ERGIC3: variants seen among roughly 807,000 people sequenced by gnomAD.
The protein encoded by ERGIC3 is endoplasmic reticulum-Golgi intermediate compartment protein 3.
In ERGIC3, 33 loss-of-function variants were observed where a neutral mutation model predicts 54.7. The ratio of observed to expected loss-of-function variants is 0.60; its 90% CI spans 0.46 to 0.81. The LOEUF (loss-of-function observed/expected upper bound fraction) is 0.81. Among genes scored for constraint, ERGIC3 ranks in the 30% least tolerant of loss-of-function variants. The pLI, the probability that ERGIC3 is intolerant of heterozygous loss-of-function variation, is 0.00. For synonymous variants in ERGIC3, 186 were observed against 189.8 expected, an observed-to-expected ratio of 0.98 and a Z score of 0.16; for missense variants, 399 against 488.4, an observed-to-expected ratio of 0.82 and a Z score of 1.73.
At chr20:35,553,249 G>A (rs1057193959) in intron 7 of ERGIC3, among the ~76,000 whole-genome samples, 1 of 148,304 alleles carries the variant, frequency 6.7e-6, no homozygotes, top group African/African-American at 2.5e-5. Flanking sequence ...CTCCCGCTTG[G>A]CCCCCCAAAA....
chr20:35,554,355 C>T (rs763521628), intron 7 of ERGIC3: 20 of 1,614,016 alleles, frequency 1.2e-5, no homozygotes, highest in Admixed American at 3.3e-5. Context: ...CTCTCTCCTC[C>T]CTCCCCCATG....
Position 35,557,622 on chromosome 20 carries a change from G to C in ERGIC3, c.*118G>C. On this transcript the variant is annotated 3_prime_UTR_variant, in exon 13 of 13. Coordinates refer to ENST00000348547, the MANE Select transcript of ERGIC3 (RefSeq NM_015966.3). ...CCCCAGGTTGATAAATCTATTGATTGATTGTGATAGTACTCACTGGTCTCC... is the reference window on the plus strand; with the variant it reads ...CCCCAGGTTGATAAATCTATTGATTCATTGTGATAGTACTCACTGGTCTCC... 8.5e-6 allele frequency: 7 copies of C among 824,286 alleles called. No individual in the cohort carries two copies. Among genetic ancestry groups the C allele is most frequent in the Non-Finnish European group, 8.0e-6 (4 of 500,522 alleles). 51.1% of individuals were successfully genotyped at this position (824,286 alleles called of 1,614,324 possible).
At position 35,554,470 on chromosome 20, in the gene ERGIC3, G is replaced by T. The variant is rs73903081; in HGVS notation, c.686-574G>T. 8.0e-4 allele frequency: 1,204 copies of T among 1,508,610 alleles called. 10 individuals are homozygous for T. The African/African-American group carries it at 0.013, about 16-fold the overall frequency. 93.5% of individuals were successfully genotyped at this position (1,508,610 alleles called of 1,614,324 possible). On this transcript the variant is annotated intron_variant, in intron 7 of 12. Coordinates refer to ENST00000348547, the MANE Select transcript of ERGIC3 (RefSeq NM_015966.3). ...TAGAATGGCGGGGAGGTTGGATGGG[G>T]CTGTGATTGGGTCTCCTCTGACCTG...
At chr20:35,544,833 C>T (rs1457867914) in intron 4 of ERGIC3, 3 of 9,374 alleles carry the variant, frequency 3.2e-4, no homozygotes, top group East Asian at 5.1e-3. Flanking sequence ...TTTTGAGTCA[C>T]GCTCTGTCAC....
chr20:35,545,023 A>G (rs898875592), intron 4 of ERGIC3: 4 of 151,888 alleles, frequency 2.6e-5, no homozygotes, highest in African/African-American at 7.3e-5. Flanking sequence ...GGCTGGTCTC[A>G]AACTCCTGAC....
intron 3 of ERGIC3, 22 bp from the exon 4 acceptor site, chr20:35,542,800 A>C: frequency 6.2e-7 from 1 of 1,613,968 alleles, no homozygotes. Flanking sequence ...CCAGTACCTT[A>C]GCCTGATTTT....
At chr20:35,547,779 G>T (rs773785867) in intron 5 of ERGIC3, among the ~76,000 whole-genome samples, 2 of 64 alleles carry the variant, frequency 0.031, no homozygotes, top group Non-Finnish European at 0.077. Context: ...AGTTACCTGG[G>T]TTCTACCCGT....
At chr20:35,548,446 C>A in intron 5 of ERGIC3, 63 bp from the exon 6 acceptor site, 1 of 1,565,784 alleles carries the variant, frequency 6.4e-7, no homozygotes. Flanking sequence ...GCTCTATTTC[C>A]CCAGATGCCA....
chr20:35,553,375 T>C (rs1410436469), intron 7 of ERGIC3, among the ~76,000 whole-genome samples: 1 of 151,662 alleles, frequency 6.6e-6, no homozygotes, highest in Non-Finnish European at 1.5e-5. Context: ...GAAGAGGTTG[T>C]GTATGGAGAG....
At chr20:35,550,851 G>A (rs2147307513) in intron 7 of ERGIC3, among the ~76,000 whole-genome samples, 1 of 152,286 alleles carries the variant, frequency 6.6e-6, no homozygotes, top group South Asian at 2.1e-4. Context: ...GATCAATCCA[G>A]GCAAAAGATG....
At chr20:35,543,037 T>TGGG (rs745796772) in intron 4 of ERGIC3, 96 bp downstream of exon 4, 5 of 1,572,574 alleles carry the variant, frequency 3.2e-6, no homozygotes. Flanking sequence ...AGTGATACAT[T>TGGG]AAACAACTAA....
intron 7 of ERGIC3, among the ~76,000 whole-genome samples, chr20:35,552,403 A>G (rs1376150641): frequency 1.3e-5 from 2 of 152,218 alleles, no homozygotes; most frequent in Admixed American, 1.3e-4. Flanking sequence ...CTGTGAATGC[A>G]AAGAGAGCGG....
At chr20:35,551,414 C>A (rs192962859) in intron 7 of ERGIC3, among the ~76,000 whole-genome samples, 8 of 152,120 alleles carry the variant, frequency 5.3e-5, no homozygotes, top group Admixed American at 2.0e-4. Context: ...GTGTTCAGAC[C>A]AATAGCATCT....
chr20:35,544,423 AG>A, intron 4 of ERGIC3: 5 of 301,358 alleles, frequency 1.7e-5, no homozygotes, highest in South Asian at 6.3e-5. Context: ...AGGGCAGGAC[AG>A]GGGGCTCAGT....
intron 7 of ERGIC3, among the ~76,000 whole-genome samples, chr20:35,550,651 C>T (rs1196390672): frequency 6.6e-6 from 1 of 151,942 alleles, no homozygotes; most frequent in Admixed American, 6.6e-5. Context: ...GTCACAGGGC[C>T]ATATCATGCA....
At position 35,557,475 on chromosome 20, in the gene ERGIC3, A is replaced by G. The variant is rs756289386; in HGVS notation, c.1123A>G (p.Lys375Glu). 1 of 1,614,100 alleles carries G rather than the reference A, an allele frequency of 6.2e-7. No individual in the cohort carries two copies. The highest frequency in any genetic ancestry group is 8.5e-7 in the Non-Finnish European group (1 of 1,180,014). The change falls in exon 13 of 13, where the codon AAG becomes GAG. Residue 375 changes from lysine to glutamate, a missense_variant. Lys to Glu is a moderately conservative substitution (Grantham distance 56). Transcript: ENST00000348547. ...CTACCACTCAGCACGAGCCATCCAG[A>G]AGAAAATTGATCTAGGGAAGACAAC... ...LIYHSARAIQ[K>E]KIDLGKTT
intron 5 of ERGIC3, among the ~76,000 whole-genome samples, chr20:35,548,071 T>C (rs1024059920): frequency 6.6e-6 from 1 of 152,222 alleles, no homozygotes; most frequent in Non-Finnish European, 1.5e-5. Context: ...CCATTTTAAC[T>C]ATTTTTAAGT....
At chr20:35,549,383 C>T in intron 7 of ERGIC3, 1 of 374,826 alleles carries the variant, frequency 2.7e-6, no homozygotes, top group South Asian at 2.0e-5. Context: ...AGTACCCACT[C>T]ACAGGGCTGT....
chr20:35,544,592 C>T (rs150828770), intron 4 of ERGIC3: 290 of 262,510 alleles, frequency 1.1e-3, no homozygotes, highest in African/African-American at 6.2e-3. Context: ...GCCGCTCATA[C>T]GGGGCGAAAC....
Sources: gnomAD v4.1 joint callset for allele counts (sites outside exome capture counted in the v4.1 genomes callset) on GRCh38, gnomAD v4.1.1 for gene constraint, MANE v1.5 for transcripts, NCBI Gene and HGNC (gene_info 2026-07-23, HGNC 2026-07-21) for gene names.